GNRH2: variants seen among roughly 807,000 people sequenced by gnomAD.
GNRH2 encodes the protein gonadotropin releasing hormone 2.
GNRH2 carries 15 observed loss-of-function variants against 12.1 expected under a neutral mutation model. That is an observed-to-expected ratio of 1.24 (90% CI 0.83 to 1.90). The LOEUF (loss-of-function observed/expected upper bound fraction) is 1.90. GNRH2 is among the 40% of genes most tolerant of loss of function. The probability of loss-of-function intolerance (pLI) is 0.00; values close to 1 mark genes in which losing one functional copy is unlikely to be tolerated. For missense variants in GNRH2, 143 were observed against 141.4 expected (o/e 1.01, Z -0.06); for synonymous variants, 60 against 62.0 (o/e 0.97, Z 0.15).
chr20:3,045,538 C>T, intron 3 of GNRH2, 148 bp from the exon 4 acceptor site: 1 of 664,620 alleles, frequency 1.5e-6, no homozygotes, highest in Admixed American at 2.4e-5. Flanking sequence ...GCTGGATCCT[C>T]AGGCTTCTAC....
chr20:3,044,645 G>T (rs374159963), intron 2 of GNRH2, 55 bp from the exon 3 acceptor site: 1 of 1,606,052 alleles, frequency 6.2e-7, no homozygotes, highest in East Asian at 2.2e-5. Flanking sequence ...GCCTGAGGTC[G>T]GGGTAGGGAG....
chr20:3,044,155 CA>C, intron 1 of GNRH2: 1 of 482,716 alleles, frequency 2.1e-6, no homozygotes, highest in Non-Finnish European at 3.7e-6. Context: ...TCAGAGCTGG[CA>C]AGGCAGGTAG....
intron 1 of GNRH2, 190 bp from the exon 2 acceptor site, chr20:3,044,218 C>T: frequency 1.7e-6 from 1 of 572,186 alleles, no homozygotes; most frequent in Admixed American, 3.0e-5. Context: ...GCATCATCCC[C>T]TGCTGGGCCA....
chr20:3,045,732 T>C lies in GNRH2; in HGVS notation c.338T>C (p.Val113Ala). 1.2e-6 allele frequency: 2 copies of C among 1,600,462 alleles called. No homozygotes were observed. The highest frequency in any genetic ancestry group is 1.7e-6 in the Non-Finnish European group (2 of 1,168,220). Residue 113 changes from valine to alanine, a missense_variant, in exon 4 of 4, where the codon GTG (valine) becomes GCG (alanine). Physicochemically the swap from Val to Ala is moderately conservative, Grantham distance 64. Coordinates refer to ENST00000359100, the MANE Select transcript of GNRH2 (RefSeq NM_178331.2). The part of the protein sequence containing the change: ...PRPAPPSSNK[V>A] Reference sequence around the variant, plus strand: ...CCCGCCCCGCCATCCTCCAATAAAGTGTGAGGTTCTCCGAAGCTGTTGCGT... The same window carrying C: ...CCCGCCCCGCCATCCTCCAATAAAGCGTGAGGTTCTCCGAAGCTGTTGCGT...
chr20:3,044,798 T>C lies in GNRH2; in HGVS notation c.253T>C (p.Ser85Pro), dbSNP rs966303570. The change falls in exon 3 of 4, where the codon TCC becomes CCC. Residue 85 changes from serine (S) to proline (P), a missense_variant. Physicochemically the swap from Ser to Pro is moderately conservative, Grantham distance 74. Coordinates refer to ENST00000359100, the MANE Select transcript of GNRH2 (RefSeq NM_178331.2). ...GGAGGGCAGGACCACGGCCCAGTGG[T>C]CCCTTCACAGGAAGCGACACCTGGC... Reference protein sequence around the residue: ...PWEGRTTAQWSLHRKRHLART... With the variant: ...PWEGRTTAQWPLHRKRHLART... 9.3e-6 allele frequency: 15 copies of C among 1,612,156 alleles called. No homozygotes were observed. Among genetic ancestry groups the C allele is most frequent in the Admixed American group, 1.7e-5 (1 of 59,974 alleles).
intron 3 of GNRH2, 129 bp from the exon 4 acceptor site, chr20:3,045,557 G>T: frequency 1.4e-6 from 1 of 735,654 alleles, no homozygotes; most frequent in East Asian, 2.6e-5. Context: ...ACGGGAGGCG[G>T]GGGGCGTCCT....
At chr20:3,045,548 C>T (rs377526911) in intron 3 of GNRH2, 138 bp from the exon 4 acceptor site, 1 of 690,838 alleles carries the variant, frequency 1.4e-6, no homozygotes, top group South Asian at 1.7e-5. Context: ...CAGGCTTCTA[C>T]GGGAGGCGGG....
chr20:3,044,851 A>T lies in GNRH2; in HGVS notation c.291+15A>T, dbSNP rs1327187955. ...GGACACTGCTGGTGAGTAGGGTGAG[A>T]GGTCCCCAGCATCAAGACCAGCCAC... On this transcript the variant is annotated intron_variant, in intron 3 of 3. Coordinates refer to ENST00000359100, the MANE Select transcript of GNRH2 (RefSeq NM_178331.2). 1.9e-6 allele frequency: 3 copies of T among 1,590,306 alleles called. No individual in the cohort carries two copies. The highest frequency in any genetic ancestry group is 2.6e-6 in the Non-Finnish European group (3 of 1,162,392).
At chr20:3,044,609 G>A in intron 2 of GNRH2, 41 bp downstream of exon 2, 1 of 1,610,720 alleles carries the variant, frequency 6.2e-7, no homozygotes, top group South Asian at 1.1e-5. Flanking sequence ...GAAAGTGATG[G>A]CCGGGGGCTC....
At chr20:3,045,167 T>G (rs1600306482) in intron 3 of GNRH2, among the ~76,000 whole-genome samples, 1 of 152,236 alleles carries the variant, frequency 6.6e-6, no homozygotes, top group East Asian at 1.9e-4. Flanking sequence ...AATGACTGTC[T>G]TGAGGTGGAC....
At chr20:3,045,146 C>A (rs531921349) in intron 3 of GNRH2, among the ~76,000 whole-genome samples, 35 of 152,292 alleles carry the variant, frequency 2.3e-4, no homozygotes, top group Non-Finnish European at 2.9e-4. Flanking sequence ...CCACAGGCAT[C>A]CTGACAAGCC....
intron 3 of GNRH2, among the ~76,000 whole-genome samples, chr20:3,045,432 G>A (rs111695531): frequency 6.6e-6 from 1 of 152,156 alleles, no homozygotes; most frequent in African/African-American, 2.4e-5. Flanking sequence ...ATGTCTTACC[G>A]CCTGATTTGT....
Position 3,045,706 on chromosome 20 carries a change from C to G in GNRH2, c.312C>G (p.Arg104=). ...RTLLTAAREP[R]PAPPSSNKV is the part of the protein sequence containing the mutation. ...CGCAGACCGCAGCCCGAGAGCCCCG[C>G]CCCGCCCCGCCATCCTCCAATAAAG... The change falls in exon 4 of 4, where the codon CGC becomes CGG. Residue 104 remains arginine (R), a synonymous_variant. Transcript: ENST00000359100. 6.2e-7 allele frequency: 1 copy of G among 1,610,210 alleles called. No homozygotes were observed. The highest frequency in any genetic ancestry group is 8.5e-7 in the Non-Finnish European group (1 of 1,177,254).
chr20:3,044,894 T>C (rs907919983), intron 3 of GNRH2, 58 bp downstream of exon 3: 7 of 1,457,108 alleles, frequency 4.8e-6, no homozygotes, highest in Non-Finnish European at 6.6e-6. Flanking sequence ...CAGAGGCCAT[T>C]GTGGCTTAGG....
In GNRH2 at chr20:3,044,780, A is replaced by G. The variant is rs556891304; in HGVS notation, c.235A>G (p.Arg79Gly). The change falls in exon 3 of 4, where the codon AGG becomes GGG. Residue 79 changes from arginine (R) to glycine (G), a missense_variant. Transcript: ENST00000359100. ...GGACGACAGCATGCCCTGGGAGGGC[A>G]GGACCACGGCCCAGTGGTCCCTTCA... ...PLDDSMPWEG[R>G]TTAQWSLHRK... 8 of 1,612,820 alleles carry G rather than the reference A, an allele frequency of 5.0e-6. No individual in the cohort carries two copies. The East Asian group carries it at 1.3e-4, about 27-fold the overall frequency.
chr20:3,045,525 C>T (rs947254525), intron 3 of GNRH2, among the ~76,000 whole-genome samples, 161 bp from the exon 4 acceptor site: 2 of 151,990 alleles, frequency 1.3e-5, no homozygotes, highest in African/African-American at 4.8e-5. Flanking sequence ...GATCCCCACA[C>T]TAGCTGGATC....
At chr20:3,045,209 T>C (rs1344041911) in intron 3 of GNRH2, among the ~76,000 whole-genome samples, 1 of 149,554 alleles carries the variant, frequency 6.7e-6, no homozygotes, top group Non-Finnish European at 1.5e-5. Context: ...AGGTGAGGGA[T>C]GCAACCTCAC....
At chr20:3,045,250 G>A (rs1042996549) in intron 3 of GNRH2, among the ~76,000 whole-genome samples, 1 of 152,138 alleles carries the variant, frequency 6.6e-6, no homozygotes, top group Non-Finnish European at 1.5e-5. Context: ...AGAGGACCAG[G>A]TGGTGACTGA....
Position 3,044,481 on chromosome 20 carries a change from G to T in GNRH2, c.67G>T (p.Ala23Ser). The T allele has an allele frequency of 1.9e-6, 3 of 1,613,684 alleles. No homozygotes were observed. The highest frequency in any genetic ancestry group is 2.5e-6 in the Non-Finnish European group (3 of 1,179,844). The change falls in exon 2 of 4, where the codon GCT becomes TCT. Residue 23 changes from alanine to serine, a missense_variant. Physicochemically the swap from Ala to Ser is moderately conservative, Grantham distance 99 (BLOSUM62 1). Transcript: ENST00000359100. ...LLTAHLGPSE[A>S]QHWSHGWYPG... ...GACTGCCCACCTTGGACCCTCAGAG[G>T]CTCAGCACTGGTCCCATGGCTGGTA... is the stretch of plus-strand genomic sequence containing the variant.
Sources: gnomAD v4.1 joint callset for allele counts (sites outside exome capture counted in the v4.1 genomes callset) on GRCh38, gnomAD v4.1.1 for gene constraint, MANE v1.5 for transcripts, NCBI Gene and HGNC (gene_info 2026-07-23, HGNC 2026-07-21) for gene names.